Variants in PTPRR observed in about 807,000 individuals in gnomAD.
PTPRR encodes receptor-type tyrosine-protein phosphatase R.
Under a neutral mutation model 77.2 loss-of-function variants are expected in PTPRR, and 38 were observed. That is an observed-to-expected ratio of 0.49 (90% CI 0.38 to 0.65). PTPRR has a LOEUF of 0.65. Among genes scored for constraint, PTPRR ranks in the 30% least tolerant of loss-of-function variants. The pLI, the probability that PTPRR is intolerant of heterozygous loss-of-function variation, is 0.00. For missense variants in PTPRR, 744 were observed against 799.2 expected (o/e 0.93, Z 0.83); for synonymous variants, 299 against 283.1 (o/e 1.06, Z -0.57).
intron 6 of PTPRR, among the ~76,000 whole-genome samples, chr12:70,734,598 C>T (rs999455106): frequency 6.6e-6 from 1 of 152,092 alleles, no homozygotes; most frequent in Non-Finnish European, 1.5e-5. Context: ...GGGGCAGATA[C>T]AGCAGTTAGA....
At chr12:70,791,006 A>T (rs1891413391) in intron 2 of PTPRR, among the ~76,000 whole-genome samples, 1 of 152,158 alleles carries the variant, frequency 6.6e-6, no homozygotes, top group African/African-American at 2.4e-5. Context: ...TCATGGGCCA[A>T]AGCCACATCT....
chr12:70,689,917 C>A (rs1887999465), intron 8 of PTPRR, among the ~76,000 whole-genome samples: 2 of 152,210 alleles, frequency 1.3e-5, no homozygotes, highest in Admixed American at 6.5e-5. Context: ...GGATGCACAG[C>A]TTAAGACTTC....
At chr12:70,795,247 C>T (rs1891491171) in intron 2 of PTPRR, among the ~76,000 whole-genome samples, 2 of 152,126 alleles carry the variant, frequency 1.3e-5, no homozygotes, top group Non-Finnish European at 2.9e-5. Flanking sequence ...ACACACCCAA[C>T]TTATATTAAA....
intron 8 of PTPRR, among the ~76,000 whole-genome samples, chr12:70,697,143 AG>A (rs1888259081): frequency 6.6e-6 from 1 of 152,182 alleles, no homozygotes; most frequent in African/African-American, 2.4e-5. Context: ...TTATCTTTTA[AG>A]GAACTGCCAA....
In PTPRR at chr12:70,751,240, CCT is replaced by C. The variant is rs1191379397; in HGVS notation, c.738+2949_738+2950del. ...CCTAGGAGTCATCCTTAATTTTACC[CCT>C]GTTGCTGAGGATTGGGACACAGCAA... On this transcript the variant is annotated intron_variant, in intron 5 of 13. Coordinates refer to ENST00000283228, the MANE Select transcript of PTPRR (RefSeq NM_002849.4). Among the ~76,000 whole-genome samples the C allele has an allele frequency of 3.3e-5, 5 of 152,208 alleles. No individual in the cohort carries two copies. The South Asian group carries it at 6.2e-4, about 19-fold the overall frequency.
At chr12:70,867,734 T>C (rs1338550545) in intron 2 of PTPRR, among the ~76,000 whole-genome samples, 2 of 152,072 alleles carry the variant, frequency 1.3e-5, no homozygotes, top group African/African-American at 4.8e-5. Context: ...ACCAAGTCAA[T>C]CCTAAGCCAG....
intron 6 of PTPRR, among the ~76,000 whole-genome samples, chr12:70,729,273 T>C (rs1889567290): frequency 6.6e-6 from 1 of 152,210 alleles, no homozygotes; most frequent in African/African-American, 2.4e-5. Flanking sequence ...TATGTGTGTA[T>C]ATATAGATCT....
intron 1 of PTPRR, among the ~76,000 whole-genome samples, chr12:70,897,964 G>A (rs1490302017): frequency 7.0e-6 from 1 of 143,324 alleles, no homozygotes; most frequent in African/African-American, 2.6e-5. Context: ...AGAACACATG[G>A]ACACAGGAAG....
At chr12:70,727,663 A>G (rs1889491604) in intron 6 of PTPRR, among the ~76,000 whole-genome samples, 1 of 152,184 alleles carries the variant, frequency 6.6e-6, no homozygotes, top group Non-Finnish European at 1.5e-5. Context: ...GGGGAATGAT[A>G]GGTGGCAGAG....
intron 1 of PTPRR, among the ~76,000 whole-genome samples, chr12:70,915,077 C>G (rs983976702): frequency 6.6e-6 from 1 of 151,892 alleles, no homozygotes; most frequent in Non-Finnish European, 1.5e-5. Flanking sequence ...CAGCAGAAGA[C>G]CTAAAAGTAC....
At chr12:70,660,793 C>T (rs1014999705) in intron 12 of PTPRR, 147 bp downstream of exon 12, 5 of 809,952 alleles carry the variant, frequency 6.2e-6, no homozygotes, top group African/African-American at 5.3e-5. Flanking sequence ...TTGATTCAGA[C>T]TCAAATATTA....
At chr12:70,810,220 A>G (rs1198483346) in intron 2 of PTPRR, among the ~76,000 whole-genome samples, 2 of 152,148 alleles carry the variant, frequency 1.3e-5, no homozygotes, top group Non-Finnish European at 2.9e-5. Context: ...TCCCCAAAAA[A>G]ACCTCAGCTA....
At chr12:70,898,079 C>T (rs1893464294) in intron 1 of PTPRR, among the ~76,000 whole-genome samples, 1 of 151,652 alleles carries the variant, frequency 6.6e-6, no homozygotes, top group Non-Finnish European at 1.5e-5. Flanking sequence ...GTGCAGCACA[C>T]CAACATGGCA....
At chr12:70,887,446 TTTC>T (rs1177125204) in intron 2 of PTPRR, among the ~76,000 whole-genome samples, 2 of 82,140 alleles carry the variant, frequency 2.4e-5, no homozygotes, top group Non-Finnish European at 4.5e-5. Flanking sequence ...AGCGAGACTC[TTTC>T]CAAAAAAAAA....
intron 6 of PTPRR, among the ~76,000 whole-genome samples, chr12:70,707,666 A>C (rs1464340843): frequency 1.3e-5 from 2 of 152,108 alleles, no homozygotes; most frequent in Non-Finnish European, 2.9e-5. Flanking sequence ...AAACTAACTC[A>C]AAATCTCTTG....
chr12:70,890,346 A>G (rs1893313834), intron 2 of PTPRR, among the ~76,000 whole-genome samples: 1 of 152,166 alleles, frequency 6.6e-6, no homozygotes, highest in Non-Finnish European at 1.5e-5. Context: ...TAAAAAGAAG[A>G]AAGAGGGAAA....
chr12:70,836,599 T>C (rs1209755718), intron 2 of PTPRR, among the ~76,000 whole-genome samples: 1 of 151,984 alleles, frequency 6.6e-6, no homozygotes, highest in African/African-American at 2.4e-5. Flanking sequence ...GATCACTATG[T>C]TCAACTCACA....
chr12:70,901,440 C>A (rs563973542), intron 1 of PTPRR, among the ~76,000 whole-genome samples: 1 of 151,690 alleles, frequency 6.6e-6, no homozygotes, highest in Non-Finnish European at 1.5e-5. Flanking sequence ...AATACAGAAC[C>A]TGGAAATAAA....
In PTPRR at chr12:70,919,681, T is replaced by G. The variant is rs1185937252; in HGVS notation, c.58+652A>C. Among the ~76,000 whole-genome samples, 37 of 20,936 alleles carry G rather than the reference T, an allele frequency of 1.8e-3. No individual in the cohort carries two copies. In the South Asian group the frequency reaches 0.037, roughly 21 times the overall value. 13.7% of individuals were successfully genotyped at this position (20,936 alleles called of 152,430 possible). Reference sequence around the variant, plus strand: ...GCTTTGGAACTGTAATTGTTTTTTTTTTTTTTTTTTTTTTTTTTTTTTTTA... The same window carrying G: ...GCTTTGGAACTGTAATTGTTTTTTTGTTTTTTTTTTTTTTTTTTTTTTTTA... On this transcript the variant is annotated intron_variant, in intron 1 of 13. Transcript: ENST00000283228.
Sources: gnomAD v4.1 joint callset for allele counts (sites outside exome capture counted in the v4.1 genomes callset) on GRCh38, gnomAD v4.1.1 for gene constraint, MANE v1.5 for transcripts, NCBI Gene and HGNC (gene_info 2026-07-23, HGNC 2026-07-21) for gene names.